Variants in GOLGB1 observed in about 807,000 individuals in gnomAD.
The protein encoded by GOLGB1 is golgin subfamily B member 1.
A neutral mutation model predicts 336.9 loss-of-function variants in GOLGB1; 174 were observed. That is an observed-to-expected ratio of 0.52 (90% confidence interval 0.46 to 0.59). The LOEUF is 0.59. Ranked by LOEUF, GOLGB1 falls within the 20% of genes least tolerant of loss-of-function variation. GOLGB1 has a pLI of 0.00. For missense variants in GOLGB1, 3,331 were observed against 3,645.3 expected, an observed-to-expected ratio of 0.91 and a Z score of 2.22; for synonymous variants, 1,208 against 1,289.2, an observed-to-expected ratio of 0.94 and a Z score of 1.35.
chr3:121,677,671 A>T (rs1377862009), intron 15 of GOLGB1, among the ~76,000 whole-genome samples: 1 of 152,224 alleles, frequency 6.6e-6, no homozygotes, highest in Non-Finnish European at 1.5e-5. Flanking sequence ...GGTCAATTAT[A>T]TAAGGAAATA....
At chr3:121,714,828 G>T in intron 10 of GOLGB1, 33 bp downstream of exon 10, 2 of 1,247,172 alleles carry the variant, frequency 1.6e-6, no homozygotes, top group Non-Finnish European at 2.4e-6. Flanking sequence ...AAGACAAACA[G>T]TTAATATTCA....
chr3:121,737,914 C>A (rs557429035), intron 1 of GOLGB1, among the ~76,000 whole-genome samples: 1 of 152,106 alleles, frequency 6.6e-6, no homozygotes, highest in African/African-American at 2.4e-5. Context: ...GAAGGCAGCG[C>A]AGGATCATAT....
intron 1 of GOLGB1, among the ~76,000 whole-genome samples, chr3:121,736,546 T>C (rs1468346039): frequency 6.6e-6 from 1 of 152,040 alleles, no homozygotes. Flanking sequence ...GTCAAAGTAA[T>C]GAAAAACAAC....
chr3:121,745,516 A>C (rs914698608), intron 1 of GOLGB1, among the ~76,000 whole-genome samples: 1 of 149,684 alleles, frequency 6.7e-6, no homozygotes, highest in African/African-American at 2.5e-5. Flanking sequence ...GTATGTATAT[A>C]TACATATGTA....
chr3:121,696,661 T>A lies in GOLGB1; in HGVS notation c.3862A>T (p.Asn1288Tyr), dbSNP rs1234410724. 1 of 1,614,152 alleles carries A rather than the reference T, an allele frequency of 6.2e-7. No individual in the cohort carries two copies. The highest frequency in any genetic ancestry group is 1.7e-5 in the Admixed American group (1 of 60,012). Residue 1288 changes from asparagine (N) to tyrosine (Y), a missense_variant, in exon 13 of 22, where the codon AAC becomes TAC. Coordinates refer to ENST00000614479, the MANE Select transcript of GOLGB1 (RefSeq NM_001366282.2). ...QHHTQPVLES[N>Y]LCPDWPSHSE... ...TGAGAAGGCCAGTCTGGGCACAAGT[T>A]GGACTCTAAAACAGGTTGAGTGTGA...
chr3:121,688,173 T>TCTCTCTCC (rs1427153501), intron 14 of GOLGB1, among the ~76,000 whole-genome samples: 1 of 152,066 alleles, frequency 6.6e-6, no homozygotes, highest in Non-Finnish European at 1.5e-5. Context: ...CCTCTCCCTC[T>TCTCTCTCC]CCCTCTCTCT....
intron 5 of GOLGB1, among the ~76,000 whole-genome samples, chr3:121,724,317 G>A (rs2108217007): frequency 6.6e-6 from 1 of 152,146 alleles, no homozygotes; most frequent in East Asian, 1.9e-4. Context: ...ATTCTGGTGA[G>A]GCTTCAGACA....
chr3:121,741,559 G>A (rs762275337), intron 1 of GOLGB1, among the ~76,000 whole-genome samples: 4 of 152,150 alleles, frequency 2.6e-5, no homozygotes, highest in Non-Finnish European at 5.9e-5. Flanking sequence ...TACTATATGT[G>A]AAATGTAGAA....
intron 1 of GOLGB1, among the ~76,000 whole-genome samples, chr3:121,747,908 C>G (rs1947479457): frequency 6.6e-6 from 1 of 152,094 alleles, no homozygotes. Flanking sequence ...AGAGCTTAGT[C>G]TCCTTTTACA....
At chr3:121,733,895 T>A (rs1313956471) in intron 1 of GOLGB1, among the ~76,000 whole-genome samples, 1 of 152,190 alleles carries the variant, frequency 6.6e-6, no homozygotes, top group Non-Finnish European at 1.5e-5. Flanking sequence ...ATACAAAGCA[T>A]ATCTCAAAAT....
Position 121,694,185 on chromosome 3 carries a change from T to A in GOLGB1, c.6338A>T (p.Asn2113Ile). 1.2e-6 allele frequency: 2 copies of A among 1,613,362 alleles called. No individual in the cohort carries two copies. The highest frequency in any genetic ancestry group is 8.5e-7 in the Non-Finnish European group (1 of 1,179,998). ...CATCTGGCTTTTAACTGATTCTTTA[T>A]TTGACTGAAGTTCCTTTTTCAACTT... ...NLKLKKELQS[N>I]KESVKSQMKQ... The change falls in exon 13 of 22, where the codon AAT becomes ATT. Residue 2113 changes from asparagine to isoleucine, a missense_variant. Transcript: ENST00000614479.
At chr3:121,684,860 G>A (rs1292843596) in intron 14 of GOLGB1, among the ~76,000 whole-genome samples, 2 of 152,178 alleles carry the variant, frequency 1.3e-5, no homozygotes, top group Non-Finnish European at 2.9e-5. Flanking sequence ...TCTAATATAG[G>A]AGAAAGGTAA....
At chr3:121,731,733 G>A (rs1279727729) in intron 1 of GOLGB1, among the ~76,000 whole-genome samples, 1 of 151,754 alleles carries the variant, frequency 6.6e-6, no homozygotes, top group Non-Finnish European at 1.5e-5. Flanking sequence ...TAGAAAAGGA[G>A]GAAGGACAGA....
chr3:121,709,308 G>A (rs1057507046), intron 10 of GOLGB1, among the ~76,000 whole-genome samples: 7 of 151,998 alleles, frequency 4.6e-5, no homozygotes, highest in Non-Finnish European at 1.0e-4. Flanking sequence ...CAAAGATAAC[G>A]TGAACAATAC....
At chr3:121,744,907 C>A (rs555953077) in intron 1 of GOLGB1, among the ~76,000 whole-genome samples, 1 of 152,112 alleles carries the variant, frequency 6.6e-6, no homozygotes, top group Non-Finnish European at 1.5e-5. Flanking sequence ...CTGAGTTTTC[C>A]GTCCTGGCTC....
Position 121,716,726 on chromosome 3 carries a change from C to T in GOLGB1, c.1288+11G>A, listed in dbSNP as rs777048618. On this transcript the variant is annotated intron_variant, in intron 9 of 21. Transcript: ENST00000614479. Reference sequence around the variant, plus strand: ...TAGAGATGTGGACTTCAAAAGCAATCAGCTACTGACCTTCCAGTTGCTGAA... The same window carrying T: ...TAGAGATGTGGACTTCAAAAGCAATTAGCTACTGACCTTCCAGTTGCTGAA... The T allele has an allele frequency of 4.4e-6, 7 of 1,587,768 alleles. No homozygotes were observed. The highest frequency in any genetic ancestry group is 6.0e-6 in the Non-Finnish European group (7 of 1,166,440).
At chr3:121,727,291 C>CAT (rs1560307098) in intron 4 of GOLGB1, among the ~76,000 whole-genome samples, 16 of 51,148 alleles carry the variant, frequency 3.1e-4, no homozygotes, top group South Asian at 7.7e-4. Flanking sequence ...TACACACACA[C>CAT]ACATATATAT....
At chr3:121,687,699 A>G (rs1355516993) in intron 14 of GOLGB1, among the ~76,000 whole-genome samples, 2 of 152,242 alleles carry the variant, frequency 1.3e-5, no homozygotes, top group Admixed American at 1.3e-4. Context: ...CCTAGTGTTT[A>G]TAACAGATAA....
intron 5 of GOLGB1, among the ~76,000 whole-genome samples, chr3:121,725,850 C>T (rs184865521): frequency 4.6e-5 from 7 of 152,164 alleles, no homozygotes; most frequent in African/African-American, 1.7e-4. Flanking sequence ...CAAATTAGCA[C>T]ACTCAGCCCC....
Sources: allele counts gnomAD v4.1 joint callset (sites outside exome capture counted in the v4.1 genomes callset), GRCh38; gene constraint gnomAD v4.1.1; transcripts MANE v1.5; gene names NCBI Gene and HGNC (gene_info 2026-07-23, HGNC 2026-07-21).